MCTP1: variants seen among roughly 807,000 people sequenced by gnomAD.
MCTP1 encodes the protein multiple C2 and transmembrane domain containing 1.
MCTP1 carries 69 observed loss-of-function variants against 120.6 expected under a neutral mutation model. The observed-to-expected ratio is 0.57, with a 90% CI of 0.47 to 0.70. The LOEUF is 0.70. Among genes scored for constraint, MCTP1 ranks in the 30% least tolerant of loss-of-function variants. MCTP1 has a pLI of 0.00. For synonymous variants in MCTP1, 529 were observed against 493.1 expected (o/e 1.07, Z -0.96); for missense variants, 1,203 against 1,248.8 (o/e 0.96, Z 0.55).
intron 10 of MCTP1, among the ~76,000 whole-genome samples, chr5:94,896,032 G>A (rs1334056547): frequency 6.6e-6 from 1 of 152,212 alleles, no homozygotes; most frequent in Non-Finnish European, 1.5e-5. Flanking sequence ...AAGTTAGAAT[G>A]TATGTCAAAT....
intron 1 of MCTP1, among the ~76,000 whole-genome samples, chr5:95,155,433 T>C (rs10476627): frequency 0.016 from 2,463 of 152,266 alleles, 61 homozygotes; most frequent in African/African-American, 0.056. Flanking sequence ...ACATTAAACA[T>C]TTGAAAACAA....
intron 19 of MCTP1, among the ~76,000 whole-genome samples, chr5:94,747,203 T>A (rs1052019699): frequency 5.9e-5 from 9 of 152,182 alleles, no homozygotes; most frequent in African/African-American, 2.2e-4. Context: ...GCAGCAAGTA[T>A]TTTTTCTGTA....
At chr5:94,925,037 C>T (rs535790761) in intron 6 of MCTP1, among the ~76,000 whole-genome samples, 7 of 152,316 alleles carry the variant, frequency 4.6e-5, no homozygotes, top group Admixed American at 4.6e-4. Context: ...TTACTTCTGT[C>T]ATCCATCAGC....
chr5:94,809,703 A>G (rs1783043460), intron 17 of MCTP1, among the ~76,000 whole-genome samples: 1 of 152,166 alleles, frequency 6.6e-6, no homozygotes, highest in Admixed American at 6.5e-5. Context: ...ATTTTAAATG[A>G]CCAATTAAGA....
intron 2 of MCTP1, among the ~76,000 whole-genome samples, chr5:94,955,386 C>G (rs918911022): frequency 1.3e-5 from 2 of 152,070 alleles, no homozygotes; most frequent in Non-Finnish European, 2.9e-5. Flanking sequence ...TTTTCGTACC[C>G]CAGTGGTACC....
intron 1 of MCTP1, among the ~76,000 whole-genome samples, chr5:95,124,167 G>A (rs138779722): frequency 3.4e-4 from 52 of 152,230 alleles, no homozygotes; most frequent in African/African-American, 1.2e-3. Flanking sequence ...TACCTACTGT[G>A]GTGAAGCTTA....
intron 20 of MCTP1, 121 bp from the exon 21 acceptor site, chr5:94,711,048 A>C: frequency 1.4e-6 from 1 of 723,728 alleles, no homozygotes; most frequent in Admixed American, 2.4e-5. Context: ...ATAGATTCCA[A>C]TTGTAATAGG....
At chr5:95,166,517 G>A (rs1017809245) in intron 1 of MCTP1, among the ~76,000 whole-genome samples, 2 of 150,834 alleles carry the variant, frequency 1.3e-5, no homozygotes, top group African/African-American at 4.9e-5. Flanking sequence ...TTGAAATTGT[G>A]AATATGCCTT....
At chr5:94,758,566 A>G (rs1770524596) in intron 19 of MCTP1, among the ~76,000 whole-genome samples, 1 of 152,236 alleles carries the variant, frequency 6.6e-6, no homozygotes, top group Non-Finnish European at 1.5e-5. Flanking sequence ...CTCTTACAAG[A>G]CAAAAACTGA....
At chr5:94,821,830 A>G (rs1052914965) in intron 17 of MCTP1, among the ~76,000 whole-genome samples, 3 of 152,128 alleles carry the variant, frequency 2.0e-5, no homozygotes, top group Admixed American at 6.6e-5. Flanking sequence ...TGTATTTTCT[A>G]TCTGCATTTG....
intron 17 of MCTP1, among the ~76,000 whole-genome samples, chr5:94,808,534 C>A (rs1782807937): frequency 6.6e-6 from 1 of 152,158 alleles, no homozygotes; most frequent in Admixed American, 6.6e-5. Context: ...ACAGTGGCAT[C>A]TCTCCCTTCT....
chr5:95,174,331 A>C (rs1456078410), intron 1 of MCTP1, among the ~76,000 whole-genome samples: 6 of 152,218 alleles, frequency 3.9e-5, no homozygotes, highest in African/African-American at 1.4e-4. Context: ...TCATTATCAT[A>C]AAATTTCAAA....
Position 95,273,490 on chromosome 5 carries a change from C to G in MCTP1, c.720+10366G>C, listed in dbSNP as rs376993518. ...CTATTTCTCCAAATATGTAGCCACC[C>G]TGGCATCAAGCACCATAAAGATTCA... On this transcript the variant is annotated intron_variant, in intron 1 of 22. Coordinates refer to ENST00000515393, the MANE Select transcript of MCTP1 (RefSeq NM_024717.7). 8.5e-5 allele frequency among the ~76,000 whole-genome samples: 13 copies of G among 152,322 alleles called. No homozygotes were observed. In the South Asian group the frequency reaches 2.7e-3, roughly 32 times the overall value.
At chr5:95,002,075 A>G (rs2153637273) in intron 2 of MCTP1, among the ~76,000 whole-genome samples, 1 of 152,332 alleles carries the variant, frequency 6.6e-6, no homozygotes, top group Admixed American at 6.5e-5. Flanking sequence ...TTGCTTCAGA[A>G]GGTGCAAGTC....
chr5:95,034,107 A>G (rs1840802118), intron 1 of MCTP1, among the ~76,000 whole-genome samples: 1 of 152,136 alleles, frequency 6.6e-6, no homozygotes, highest in African/African-American at 2.4e-5. Context: ...TTCCATGCTC[A>G]TGACTTGGAA....
intron 19 of MCTP1, among the ~76,000 whole-genome samples, chr5:94,768,508 G>T (rs1561602093): frequency 6.6e-6 from 1 of 151,966 alleles, no homozygotes; most frequent in East Asian, 1.9e-4. Context: ...CTCGTAATCA[G>T]AATATACAAA....
At chr5:94,912,585 A>T (rs1264678482) in intron 9 of MCTP1, among the ~76,000 whole-genome samples, 1 of 151,944 alleles carries the variant, frequency 6.6e-6, no homozygotes, top group Non-Finnish European at 1.5e-5. Flanking sequence ...GCTATGTTGT[A>T]GATGAAGAAA....
chr5:95,012,432 C>CA (rs1472883226), intron 2 of MCTP1, among the ~76,000 whole-genome samples: 1 of 152,024 alleles, frequency 6.6e-6, no homozygotes, highest in Non-Finnish European at 1.5e-5. Context: ...TACCTCATTT[C>CA]ATTGCACTTT....
Position 95,112,055 on chromosome 5 carries a change from G to T in MCTP1, c.721-94571C>A, listed in dbSNP as rs553607222. On this transcript the variant is annotated intron_variant, in intron 1 of 22. Transcript: ENST00000515393. ...AAAGAATACAACAAATATTTTAAAA[G>T]AAGTGCACACACGCTATATAACTAT... is the stretch of plus-strand genomic sequence containing the variant. Among the ~76,000 whole-genome samples the T allele has an allele frequency of 3.3e-5, 5 of 152,250 alleles. No individual in the cohort carries two copies. The South Asian group carries it at 1.0e-3, about 32-fold the overall frequency.
Sources: gnomAD v4.1 joint callset for allele counts (sites outside exome capture counted in the v4.1 genomes callset) on GRCh38, gnomAD v4.1.1 for gene constraint, MANE v1.5 for transcripts, NCBI Gene and HGNC (gene_info 2026-07-23, HGNC 2026-07-21) for gene names.